Variants in GPR137B observed in about 807,000 individuals in gnomAD.
GPR137B encodes the protein integral membrane protein GPR137B.
Under a neutral mutation model 42.5 loss-of-function variants are expected in GPR137B, and 42 were observed. The observed-to-expected ratio is 0.99, with a 90% confidence interval of 0.77 to 1.28. GPR137B has a LOEUF of 1.28. GPR137B is among the 50% of genes most tolerant of loss of function. The probability of loss-of-function intolerance (pLI) is 0.00; values close to 1 mark genes in which losing one functional copy is unlikely to be tolerated. For missense variants in GPR137B, 487 were observed against 493.9 expected (o/e 0.99, Z 0.13); for synonymous variants, 218 against 209.7 (o/e 1.04, Z -0.34).
chr1:236,190,148 C>CTTCGTTTTTT (rs61093509), intron 5 of GPR137B, among the ~76,000 whole-genome samples: 1 of 119,402 alleles, frequency 8.4e-6, no homozygotes. Flanking sequence ...CCTGCTTCTT[C>CTTCGTTTTTT]TTTTTTTTTT....
At chr1:236,173,150 G>T (rs1233501380) in intron 2 of GPR137B, among the ~76,000 whole-genome samples, 1 of 151,672 alleles carries the variant, frequency 6.6e-6, no homozygotes, top group Non-Finnish European at 1.5e-5. Context: ...AATCAGCTGG[G>T]CGTAGTGGTG....
At chr1:236,167,198 A>G (rs1662385394) in intron 1 of GPR137B, among the ~76,000 whole-genome samples, 1 of 152,244 alleles carries the variant, frequency 6.6e-6, no homozygotes, top group African/African-American at 2.4e-5. Context: ...TACATAAGGA[A>G]TGATTCCCAC....
At chr1:236,158,129 A>G (rs912791749) in intron 1 of GPR137B, among the ~76,000 whole-genome samples, 3 of 152,130 alleles carry the variant, frequency 2.0e-5, no homozygotes, top group African/African-American at 7.2e-5. Flanking sequence ...TTTATTTATT[A>G]AACCACAGCT....
chr1:236,200,142 G>A (rs1471620546), intron 5 of GPR137B, among the ~76,000 whole-genome samples: 1 of 151,902 alleles, frequency 6.6e-6, no homozygotes, highest in Admixed American at 6.6e-5. Context: ...TAATTTCCAT[G>A]CATTTATATA....
intron 5 of GPR137B, among the ~76,000 whole-genome samples, chr1:236,201,024 T>G (rs1264586074): frequency 6.6e-6 from 1 of 152,038 alleles, no homozygotes; most frequent in Non-Finnish European, 1.5e-5. Flanking sequence ...TAGTGCTGGC[T>G]TGGTAGTGGC....
chr1:236,158,351 G>C (rs1286154424), intron 1 of GPR137B, among the ~76,000 whole-genome samples: 2 of 152,156 alleles, frequency 1.3e-5, no homozygotes, highest in East Asian at 3.9e-4. Context: ...CTTGAACCCG[G>C]GAGACAAGGT....
chr1:236,199,396 G>C (rs1260098069), intron 5 of GPR137B, among the ~76,000 whole-genome samples: 1 of 152,012 alleles, frequency 6.6e-6, no homozygotes, highest in Non-Finnish European at 1.5e-5. Flanking sequence ...GGGTGATACT[G>C]GTTTCATAGA....
intron 1 of GPR137B, among the ~76,000 whole-genome samples, chr1:236,153,674 C>G (rs1661935671): frequency 6.6e-6 from 1 of 152,192 alleles, no homozygotes; most frequent in South Asian, 2.1e-4. Context: ...AACGACTTCT[C>G]CATTGTGCGA....
chr1:236,167,240 TCA>T (rs758958930), intron 1 of GPR137B, among the ~76,000 whole-genome samples: 9 of 152,210 alleles, frequency 5.9e-5, no homozygotes, highest in Non-Finnish European at 1.3e-4. Flanking sequence ...ATCCATCACC[TCA>T]CACAGTTGCC....
chr1:236,168,683 G>A, intron 1 of GPR137B, 23 bp from the exon 2 acceptor site: 1 of 1,603,046 alleles, frequency 6.2e-7, no homozygotes, highest in Non-Finnish European at 8.5e-7. Flanking sequence ...ACCCCAACCT[G>A]CCATGCTTTT....
chr1:236,148,939 C>T (rs1661758227), intron 1 of GPR137B, among the ~76,000 whole-genome samples: 1 of 152,182 alleles, frequency 6.6e-6, no homozygotes. Flanking sequence ...AAGGCTGCTG[C>T]TTCACCAGGG....
chr1:236,195,311 A>G (rs1350507945), intron 5 of GPR137B, among the ~76,000 whole-genome samples: 1 of 151,188 alleles, frequency 6.6e-6, no homozygotes, highest in Non-Finnish European at 1.5e-5. Flanking sequence ...CTCTGTGTCC[A>G]TGAGTTCAAT....
At chr1:236,163,644 C>T (rs2102900047) in intron 1 of GPR137B, among the ~76,000 whole-genome samples, 1 of 152,118 alleles carries the variant, frequency 6.6e-6, no homozygotes, top group East Asian at 1.9e-4. Context: ...ATGGGTTTAT[C>T]AGGGGTTTCC....
At chr1:236,152,083 C>T (rs1439202784) in intron 1 of GPR137B, among the ~76,000 whole-genome samples, 1 of 152,138 alleles carries the variant, frequency 6.6e-6, no homozygotes, top group East Asian at 1.9e-4. Flanking sequence ...GCCTCGTCCT[C>T]CCAGCTTTCA....
chr1:236,198,221 T>C (rs1319059442), intron 5 of GPR137B, among the ~76,000 whole-genome samples: 6 of 152,284 alleles, frequency 3.9e-5, no homozygotes, highest in Non-Finnish European at 2.9e-5. Flanking sequence ...TTTTGTTTTT[T>C]TGAGACAGAG....
At chr1:236,162,989 C>T (rs565427270) in intron 1 of GPR137B, among the ~76,000 whole-genome samples, 8 of 152,264 alleles carry the variant, frequency 5.3e-5, no homozygotes, top group East Asian at 3.9e-4. Flanking sequence ...GCTTGCACTG[C>T]GCTCCTGGAA....
intron 1 of GPR137B, among the ~76,000 whole-genome samples, chr1:236,159,111 G>A (rs1333060458): frequency 1.3e-5 from 2 of 152,154 alleles, no homozygotes; most frequent in Admixed American, 1.3e-4. Context: ...AGGAGTTCAA[G>A]ACCAGCCTGG....
At chr1:236,172,721 C>T (rs1310680012) in intron 2 of GPR137B, among the ~76,000 whole-genome samples, 3 of 150,744 alleles carry the variant, frequency 2.0e-5, no homozygotes, top group East Asian at 3.9e-4. Context: ...AGGTCTCACC[C>T]AGGCTGGAGT....
At chr1:236,151,889 T>G (rs1029813110) in intron 1 of GPR137B, among the ~76,000 whole-genome samples, 3 of 152,128 alleles carry the variant, frequency 2.0e-5, no homozygotes, top group Non-Finnish European at 2.9e-5. Flanking sequence ...ACAGCTTCTT[T>G]GTAGCTGTCA....
Sources: gnomAD v4.1 joint callset for allele counts (sites outside exome capture counted in the v4.1 genomes callset) on GRCh38, gnomAD v4.1.1 for gene constraint, MANE v1.5 for transcripts, NCBI Gene and HGNC (gene_info 2026-07-23, HGNC 2026-07-21) for gene names.